LRP1B: variants seen among roughly 807,000 people sequenced by gnomAD.
The protein encoded by LRP1B is low-density lipoprotein receptor-related protein 1B.
A neutral mutation model predicts 556.6 loss-of-function variants in LRP1B; 217 were observed. The observed-to-expected ratio is 0.39, with a 90% CI of 0.35 to 0.44. The LOEUF (loss-of-function observed/expected upper bound fraction) is 0.44, where lower values mean the gene tolerates loss of function less well. Among genes scored for constraint, LRP1B ranks in the 20% least tolerant of loss-of-function variants. The pLI, the probability that LRP1B is intolerant of heterozygous loss-of-function variation, is 1.00. For missense variants in LRP1B, 5,053 were observed against 5,620.8 expected, an observed-to-expected ratio of 0.90 and a Z score of 3.23; for synonymous variants, 2,047 against 1,865.8, an observed-to-expected ratio of 1.10 and a Z score of -2.50.
At chr2:142,069,171 A>G (rs1162223788) in intron 1 of LRP1B, among the ~76,000 whole-genome samples, 1 of 151,638 alleles carries the variant, frequency 6.6e-6, no homozygotes, top group African/African-American at 2.4e-5. Context: ...AGTATGACTG[A>G]AATATGGCTA....
At chr2:140,677,006 A>G (rs1450879439) in intron 41 of LRP1B, among the ~76,000 whole-genome samples, 1 of 152,224 alleles carries the variant, frequency 6.6e-6, no homozygotes, top group Non-Finnish European at 1.5e-5. Context: ...ATTTTTGATA[A>G]ATAGAAAACA....
At chr2:140,699,153 A>G (rs1686541534) in intron 41 of LRP1B, among the ~76,000 whole-genome samples, 1 of 152,090 alleles carries the variant, frequency 6.6e-6, no homozygotes, top group African/African-American at 2.4e-5. Context: ...TTGGATAGCT[A>G]TAGTTTAGTT....
chr2:140,722,134 G>A (rs1445338971), intron 35 of LRP1B, among the ~76,000 whole-genome samples: 1 of 151,880 alleles, frequency 6.6e-6, no homozygotes, highest in Non-Finnish European at 1.5e-5. Flanking sequence ...GTACTCTTTG[G>A]CCTGTTCTTT....
intron 3 of LRP1B, among the ~76,000 whole-genome samples, chr2:141,438,878 T>C (rs1174262842): frequency 6.6e-6 from 1 of 152,138 alleles, no homozygotes; most frequent in Non-Finnish European, 1.5e-5. Flanking sequence ...GGAGAACTGT[T>C]AGACATATGT....
intron 7 of LRP1B, among the ~76,000 whole-genome samples, chr2:141,086,381 T>G (rs1436594720): frequency 6.6e-6 from 1 of 152,214 alleles, no homozygotes; most frequent in African/African-American, 2.4e-5. Flanking sequence ...TTAATTACAT[T>G]AATTTCACTT....
At chr2:141,222,649 C>G (rs1278137741) in intron 6 of LRP1B, among the ~76,000 whole-genome samples, 1 of 152,082 alleles carries the variant, frequency 6.6e-6, no homozygotes, top group Non-Finnish European at 1.5e-5. Context: ...ACCAGCAAAC[C>G]AAATCCAGCA....
chr2:140,968,328 A>G (rs1277113258), intron 18 of LRP1B, among the ~76,000 whole-genome samples: 1 of 151,926 alleles, frequency 6.6e-6, no homozygotes, highest in East Asian at 1.9e-4. Context: ...AGAGGTGTTT[A>G]TAGTATTCTC....
chr2:141,334,644 C>A (rs1573821189), intron 3 of LRP1B, among the ~76,000 whole-genome samples: 1 of 152,318 alleles, frequency 6.6e-6, no homozygotes, highest in Admixed American at 6.5e-5. Context: ...CTCCACCTCC[C>A]AGGATCAAGT....
At chr2:141,672,760 T>C (rs1690722438) in intron 2 of LRP1B, among the ~76,000 whole-genome samples, 1 of 152,204 alleles carries the variant, frequency 6.6e-6, no homozygotes, top group Admixed American at 6.5e-5. Flanking sequence ...GTTCCTGTTA[T>C]CCTATGATGC....
intron 35 of LRP1B, among the ~76,000 whole-genome samples, chr2:140,755,070 C>G (rs979421985): frequency 9.2e-5 from 14 of 151,776 alleles, no homozygotes; most frequent in Admixed American, 3.9e-4. Context: ...AATTACATAA[C>G]TTAGATAAAA....
rs547365385 is a variant in LRP1B at position 140,832,036 on chromosome 2, G to C, written c.5209+7955C>G. Among the ~76,000 whole-genome samples, 68 of 152,272 alleles carry C rather than the reference G, an allele frequency of 4.5e-4. 1 individual carries two copies. The highest frequency in any genetic ancestry group is 1.2e-3 in the South Asian group (6 of 4,816). On this transcript the variant is annotated intron_variant, in intron 31 of 90. Coordinates refer to ENST00000389484, the MANE Select transcript of LRP1B (RefSeq NM_018557.3). The stretch of plus-strand genomic sequence containing the variant: ...AGAAGTAACAGTAGCTAGTGAGGAG[G>C]TACAGACATGGGAACACTCCTATGT...
chr2:140,769,639 T>G (rs563297614), intron 34 of LRP1B, among the ~76,000 whole-genome samples: 25 of 151,978 alleles, frequency 1.6e-4, no homozygotes, highest in African/African-American at 5.5e-4. Context: ...ATCTCCCAAT[T>G]GGTGATGATG....
chr2:141,753,789 A>T (rs1342308372), intron 2 of LRP1B, among the ~76,000 whole-genome samples: 2 of 152,080 alleles, frequency 1.3e-5, no homozygotes, highest in Non-Finnish European at 2.9e-5. Context: ...ACACTATATA[A>T]AATCACCCTA....
intron 11 of LRP1B, among the ~76,000 whole-genome samples, chr2:141,023,526 GT>G (rs1452938408): frequency 6.6e-6 from 1 of 151,918 alleles, no homozygotes; most frequent in Non-Finnish European, 1.5e-5. Flanking sequence ...AAAGAGAGTG[GT>G]TTTGGGAGAA....
intron 62 of LRP1B, 112 bp downstream of exon 62, chr2:140,456,343 T>G: frequency 9.4e-7 from 1 of 1,067,896 alleles, no homozygotes; most frequent in Non-Finnish European, 1.3e-6. Context: ...TGTTTTCCTT[T>G]ATTCTGTGAC....
At chr2:141,491,274 T>C (rs568051954) in intron 2 of LRP1B, among the ~76,000 whole-genome samples, 1 of 152,244 alleles carries the variant, frequency 6.6e-6, no homozygotes, top group Admixed American at 6.5e-5. Context: ...AGAAATCCTA[T>C]TGAGTCCTTA....
chr2:141,581,946 C>G (rs926003944), intron 2 of LRP1B, among the ~76,000 whole-genome samples: 1 of 152,096 alleles, frequency 6.6e-6, no homozygotes, highest in Non-Finnish European at 1.5e-5. Flanking sequence ...AAGGATGGCT[C>G]AAGTTTTAAA....
intron 2 of LRP1B, among the ~76,000 whole-genome samples, chr2:141,607,000 C>T (rs1687937678): frequency 6.6e-6 from 1 of 152,050 alleles, no homozygotes; most frequent in African/African-American, 2.4e-5. Context: ...TCCCTTCCTT[C>T]CTTTCTTGTT....
At chr2:141,206,232 C>T (rs1323920695) in intron 6 of LRP1B, among the ~76,000 whole-genome samples, 2 of 151,946 alleles carry the variant, frequency 1.3e-5, no homozygotes, top group Non-Finnish European at 2.9e-5. Flanking sequence ...ATAGTAACAA[C>T]CATTTCCTAT....
Sources: allele counts gnomAD v4.1 joint callset (sites outside exome capture counted in the v4.1 genomes callset), GRCh38; gene constraint gnomAD v4.1.1; transcripts MANE v1.5; gene names NCBI Gene and HGNC (gene_info 2026-07-23, HGNC 2026-07-21).